Variants in TPD52 observed in about 807,000 individuals in gnomAD.
TPD52 encodes the protein prostate and colon associated protein.
TPD52 carries 17 observed loss-of-function variants against 31.3 expected under a neutral mutation model. The observed-to-expected ratio is 0.54, with a 90% CI of 0.37 to 0.82. The LOEUF is 0.82. Among genes scored for constraint, TPD52 ranks in the 40% least tolerant of loss-of-function variants. The probability of loss-of-function intolerance (pLI) is 0.00; values close to 1 mark genes in which losing one functional copy is unlikely to be tolerated. For synonymous variants in TPD52, 83 were observed against 89.6 expected (o/e 0.93, Z 0.42); for missense variants, 212 against 240.1 (o/e 0.88, Z 0.77).
Position 80,036,387 on chromosome 8 carries a change from T to C in TPD52, c.*1729A>G, listed in dbSNP as rs991208998. 6.6e-6 allele frequency: 1 copy of C among 152,618 alleles called. No individual in the cohort carries two copies. The highest frequency in any genetic ancestry group is 2.4e-5 in the African/African-American group (1 of 41,454). 9.5% of individuals were successfully genotyped at this position (152,618 alleles called of 1,614,324 possible). A position where few individuals can be genotyped will look rare whatever the true frequency, so the allele number is the denominator to read the frequency against. On this transcript the variant is annotated 3_prime_UTR_variant, in exon 8 of 8. Coordinates refer to ENST00000518937, the MANE Select transcript of TPD52 (RefSeq NM_001025253.3). ...ATATTTCTATAGAAAGACAGACTTC[T>C]ACAGATCCACTCCTCTGAGAAAATG...
intron 2 of TPD52, among the ~76,000 whole-genome samples, chr8:80,062,190 AGT>A (rs1241372714): frequency 6.6e-5 from 10 of 152,372 alleles, no homozygotes; most frequent in African/African-American, 2.2e-4. Flanking sequence ...TAATCAAAAT[AGT>A]GTGATACTGT....
At chr8:80,147,279 T>A (rs1863439) in intron 1 of TPD52, among the ~76,000 whole-genome samples, 1 of 152,012 alleles carries the variant, frequency 6.6e-6, no homozygotes, top group Admixed American at 6.5e-5. Context: ...GGGGAAATGG[T>A]TAACCATGCA....
intron 1 of TPD52, among the ~76,000 whole-genome samples, chr8:80,145,865 G>T (rs1810157756): frequency 6.6e-6 from 1 of 152,116 alleles, no homozygotes; most frequent in African/African-American, 2.4e-5. Flanking sequence ...TGTTTTTCCT[G>T]ATTTTTTGGA....
intron 1 of TPD52, among the ~76,000 whole-genome samples, chr8:80,136,321 G>A (rs1304398214): frequency 4.6e-5 from 7 of 150,716 alleles, no homozygotes; most frequent in East Asian, 1.9e-4. Context: ...TCAGGAAATC[G>A]AGACCATCCT....
At chr8:80,152,056 T>C (rs1228871630) in intron 1 of TPD52, among the ~76,000 whole-genome samples, 1 of 152,294 alleles carries the variant, frequency 6.6e-6, no homozygotes, top group East Asian at 1.9e-4. Flanking sequence ...ACTTCAAAAA[T>C]AGAATACTGC....
At chr8:80,053,156 G>A in intron 3 of TPD52, 126 bp downstream of exon 3, 1 of 1,026,962 alleles carries the variant, frequency 9.7e-7, no homozygotes, top group Non-Finnish European at 1.4e-6. Context: ...AGAAAAAAAG[G>A]GTGCCGTGTC....
chr8:80,083,223 C>T (rs1022156667), intron 1 of TPD52, among the ~76,000 whole-genome samples: 3 of 151,168 alleles, frequency 2.0e-5, no homozygotes, highest in Non-Finnish European at 2.9e-5. Flanking sequence ...ATGAGTCATA[C>T]GGAGAGTATA....
chr8:80,155,049 G>A (rs1225724837), intron 1 of TPD52, among the ~76,000 whole-genome samples: 1 of 150,152 alleles, frequency 6.7e-6, no homozygotes, highest in East Asian at 2.0e-4. Flanking sequence ...CCAGGCTGGA[G>A]TGCAGTGGCA....
At chr8:80,071,782 T>C (rs1813817189) in intron 1 of TPD52, among the ~76,000 whole-genome samples, 1 of 152,098 alleles carries the variant, frequency 6.6e-6, no homozygotes, top group Non-Finnish European at 1.5e-5. Flanking sequence ...CATCTGCAAA[T>C]ATTCCTCAAC....
At chr8:80,088,314 T>C (rs1189662408) in intron 1 of TPD52, among the ~76,000 whole-genome samples, 1 of 152,186 alleles carries the variant, frequency 6.6e-6, no homozygotes. Context: ...AGAACTCGAA[T>C]GGAGGCTGGA....
chr8:80,118,147 A>G (rs575370364), intron 1 of TPD52, among the ~76,000 whole-genome samples: 1 of 152,324 alleles, frequency 6.6e-6, no homozygotes, highest in Admixed American at 6.5e-5. Flanking sequence ...GAGTTCGGAA[A>G]TAGACATTCA....
At chr8:80,089,903 A>C (rs535788401) in intron 1 of TPD52, among the ~76,000 whole-genome samples, 2 of 152,206 alleles carry the variant, frequency 1.3e-5, no homozygotes, top group Non-Finnish European at 2.9e-5. Flanking sequence ...TTGAGTGACC[A>C]ATGTCACAGG....
chr8:80,136,085 A>G (rs529519308), intron 1 of TPD52, among the ~76,000 whole-genome samples: 7 of 145,132 alleles, frequency 4.8e-5, no homozygotes, highest in Non-Finnish European at 9.1e-5. Context: ...ATACATATGT[A>G]ACTAACCTGC....
Position 80,115,763 on chromosome 8 carries a change from C to T in TPD52, c.20-51170G>A, listed in dbSNP as rs557923793. Among the ~76,000 whole-genome samples the T allele has an allele frequency of 2.9e-4, 44 of 152,218 alleles. 1 individual carries two copies. The highest frequency in any genetic ancestry group is 2.1e-3 in the South Asian group (10 of 4,818). On this transcript the variant is annotated intron_variant, in intron 1 of 7. Coordinates refer to ENST00000518937, the MANE Select transcript of TPD52 (RefSeq NM_001025253.3). ...GAGCCTATTTATATGGCAGTAATAC[C>T]GTGTGATACATGGCAGTGATACCAG...
intron 1 of TPD52, among the ~76,000 whole-genome samples, chr8:80,136,657 A>G (rs1477132702): frequency 6.6e-6 from 1 of 152,148 alleles, no homozygotes; most frequent in African/African-American, 2.4e-5. Context: ...CAACCCAGTA[A>G]AAGGTCCCAA....
At chr8:80,164,518 T>G (rs549058764) in intron 1 of TPD52, among the ~76,000 whole-genome samples, 5 of 152,132 alleles carry the variant, frequency 3.3e-5, no homozygotes, top group African/African-American at 1.2e-4. Flanking sequence ...AATAAAACCA[T>G]AAAAGCATAA....
chr8:80,133,241 A>G (rs745421710), intron 1 of TPD52, among the ~76,000 whole-genome samples: 11 of 152,058 alleles, frequency 7.2e-5, no homozygotes, highest in Non-Finnish European at 1.5e-4. Flanking sequence ...CCTTTACTCA[A>G]TAATTATCGG....
At position 80,095,813 on chromosome 8, in the gene TPD52, C is replaced by T. The variant is rs188508027; in HGVS notation, c.20-31220G>A. On this transcript the variant is annotated intron_variant, in intron 1 of 7. Transcript: ENST00000518937. ...AAATACAAAAATTAGCTGAGTGTAGCGGCATGCGCCCGTGGTCCCAGCTAC... is the reference window on the plus strand; with the variant it reads ...AAATACAAAAATTAGCTGAGTGTAGTGGCATGCGCCCGTGGTCCCAGCTAC... Among the ~76,000 whole-genome samples, 207 of 152,224 alleles carry T rather than the reference C, an allele frequency of 1.4e-3. 1 individual carries two copies. The highest frequency in any genetic ancestry group is 4.7e-3 in the African/African-American group (196 of 41,520).
At chr8:80,112,408 G>A (rs886395481) in intron 1 of TPD52, among the ~76,000 whole-genome samples, 4 of 152,184 alleles carry the variant, frequency 2.6e-5, no homozygotes, top group Non-Finnish European at 5.9e-5. Context: ...CCTTGAGCCT[G>A]TGTTCTTGGC....
Sources: gnomAD v4.1 joint callset for allele counts (sites outside exome capture counted in the v4.1 genomes callset) on GRCh38, gnomAD v4.1.1 for gene constraint, MANE v1.5 for transcripts, NCBI Gene and HGNC (gene_info 2026-07-23, HGNC 2026-07-21) for gene names.